PLCXD3: variants seen among roughly 807,000 people sequenced by gnomAD.
PLCXD3 encodes phosphatidylinositol specific phospholipase C X domain containing 3, also known as PI-PLC X domain-containing protein 3.
PLCXD3 carries 19 observed loss-of-function variants against 25.5 expected under a neutral mutation model. The observed-to-expected ratio is 0.75, with a 90% CI of 0.52 to 1.09. PLCXD3 has a LOEUF of 1.09. Among genes scored for constraint, PLCXD3 ranks in the 50% least tolerant of loss-of-function variants. The pLI, the probability that PLCXD3 is intolerant of heterozygous loss-of-function variation, is 0.00. For missense variants in PLCXD3, 411 were observed against 388.1 expected (o/e 1.06, Z -0.50); for synonymous variants, 174 against 137.6 (o/e 1.26, Z -1.85).
At chr5:41,391,411 C>T (rs559810248) in intron 1 of PLCXD3, among the ~76,000 whole-genome samples, 1 of 152,238 alleles carries the variant, frequency 6.6e-6, no homozygotes, top group South Asian at 2.1e-4. Flanking sequence ...TCATGAGGTC[C>T]CCATTTCAGC....
chr5:41,367,819 T>C (rs1182236859), intron 2 of PLCXD3, among the ~76,000 whole-genome samples: 1 of 152,128 alleles, frequency 6.6e-6, no homozygotes, highest in Non-Finnish European at 1.5e-5. Context: ...TTTTTGTATA[T>C]GGCGTAAAGA....
At chr5:41,494,666 G>A (rs1253974329) in intron 1 of PLCXD3, among the ~76,000 whole-genome samples, 1 of 152,198 alleles carries the variant, frequency 6.6e-6, no homozygotes, top group Non-Finnish European at 1.5e-5. Flanking sequence ...AAATGCATAT[G>A]ATGGGAAGGT....
chr5:41,335,299 C>G (rs758938811), intron 2 of PLCXD3, among the ~76,000 whole-genome samples: 5 of 152,172 alleles, frequency 3.3e-5, no homozygotes, highest in Admixed American at 6.5e-5. Flanking sequence ...GCAAATATCT[C>G]AAGGACTATC....
chr5:41,388,595 C>A (rs979213299), intron 1 of PLCXD3, among the ~76,000 whole-genome samples: 2 of 151,948 alleles, frequency 1.3e-5, no homozygotes, highest in Middle Eastern at 3.4e-3. Flanking sequence ...CCAAGCACTC[C>A]CAAAATAGAC....
chr5:41,354,469 G>A (rs1744562170), intron 2 of PLCXD3, among the ~76,000 whole-genome samples: 1 of 151,796 alleles, frequency 6.6e-6, no homozygotes, highest in Admixed American at 6.6e-5. Context: ...CCTAAAACAA[G>A]CCAATTGTTC....
chr5:41,360,679 G>A (rs1226667399), intron 2 of PLCXD3, among the ~76,000 whole-genome samples: 3 of 152,162 alleles, frequency 2.0e-5, no homozygotes, highest in African/African-American at 2.4e-5. Flanking sequence ...TGGTACTGGC[G>A]AGTGTCTGCA....
At chr5:41,476,069 C>A (rs996466753) in intron 1 of PLCXD3, among the ~76,000 whole-genome samples, 1 of 152,174 alleles carries the variant, frequency 6.6e-6, no homozygotes, top group Non-Finnish European at 1.5e-5. Flanking sequence ...CTGTACATAA[C>A]CCCATCATAA....
chr5:41,459,308 T>G (rs553610196), intron 1 of PLCXD3, among the ~76,000 whole-genome samples: 1 of 151,940 alleles, frequency 6.6e-6, no homozygotes, highest in African/African-American at 2.4e-5. Context: ...TCTCCAGGAT[T>G]TCAGAAATGT....
intron 1 of PLCXD3, among the ~76,000 whole-genome samples, chr5:41,389,334 C>T (rs181867186): frequency 6.6e-6 from 1 of 152,196 alleles, no homozygotes; most frequent in Admixed American, 6.6e-5. Flanking sequence ...TTTCCAAATC[C>T]CTACTGGGAA....
At chr5:41,405,506 T>C (rs1216353237) in intron 1 of PLCXD3, among the ~76,000 whole-genome samples, 1 of 152,184 alleles carries the variant, frequency 6.6e-6, no homozygotes, top group East Asian at 1.9e-4. Flanking sequence ...TTTCTGTCTT[T>C]ATATCTTGCT....
intron 1 of PLCXD3, among the ~76,000 whole-genome samples, chr5:41,498,013 AAC>A (rs1748876398): frequency 6.6e-6 from 1 of 151,788 alleles, no homozygotes; most frequent in East Asian, 1.9e-4. Context: ...ATGAGATGAA[AAC>A]ACAACATTCC....
chr5:41,470,311 G>A (rs1053143783), intron 1 of PLCXD3, among the ~76,000 whole-genome samples: 1 of 152,076 alleles, frequency 6.6e-6, no homozygotes, highest in East Asian at 1.9e-4. Context: ...CTGTTCTACT[G>A]CTCTCCAGAA....
In PLCXD3 at chr5:41,501,110, T is replaced by C. The variant is rs1167935504; in HGVS notation, c.103+9314A>G. On this transcript the variant is annotated intron_variant, in intron 1 of 2. Transcript: ENST00000377801. ...AATTCTTGTACACTGTTGGTGGAAG[T>C]GTAAAATTGTGCAGCCTCTATGGAG... Among the ~76,000 whole-genome samples, 6 of 152,136 alleles carry C rather than the reference T, an allele frequency of 3.9e-5. 1 individual carries two copies. In the South Asian group the frequency reaches 1.0e-3, roughly 26 times the overall value.
At chr5:41,372,298 T>TCACACACA (rs71608605) in intron 2 of PLCXD3, among the ~76,000 whole-genome samples, 7 of 110,788 alleles carry the variant, frequency 6.3e-5, no homozygotes, top group African/African-American at 2.9e-4. Context: ...TCTCTCTCTC[T>TCACACACA]CACACACACA....
intron 1 of PLCXD3, among the ~76,000 whole-genome samples, chr5:41,464,128 T>G (rs1267471004): frequency 6.6e-6 from 1 of 151,984 alleles, no homozygotes; most frequent in East Asian, 1.9e-4. Context: ...ATTCAATCAT[T>G]TAGTGTGATG....
intron 1 of PLCXD3, among the ~76,000 whole-genome samples, chr5:41,399,078 T>G (rs1746099660): frequency 6.6e-6 from 1 of 151,778 alleles, no homozygotes; most frequent in Non-Finnish European, 1.5e-5. Flanking sequence ...GGAAAAGAAA[T>G]AAAGTAATCC....
chr5:41,464,048 C>T (rs370587609), intron 1 of PLCXD3, among the ~76,000 whole-genome samples: 38 of 152,108 alleles, frequency 2.5e-4, no homozygotes, highest in African/African-American at 9.1e-4. Flanking sequence ...ATTGTACTGT[C>T]TAATTTATCT....
chr5:41,314,027 G>A (rs1280930471), intron 2 of PLCXD3, among the ~76,000 whole-genome samples: 1 of 152,148 alleles, frequency 6.6e-6, no homozygotes, highest in Non-Finnish European at 1.5e-5. Context: ...AGTTTATAAT[G>A]ATGCTTCCCT....
At chr5:41,335,708 T>C (rs999773569) in intron 2 of PLCXD3, among the ~76,000 whole-genome samples, 1 of 152,144 alleles carries the variant, frequency 6.6e-6, no homozygotes, top group African/African-American at 2.4e-5. Flanking sequence ...AAGTGTTTAT[T>C]GAGTACCCAT....
Sources: gnomAD v4.1 joint callset for allele counts (sites outside exome capture counted in the v4.1 genomes callset) on GRCh38, gnomAD v4.1.1 for gene constraint, MANE v1.5 for transcripts, NCBI Gene and HGNC (gene_info 2026-07-23, HGNC 2026-07-21) for gene names.